The following PAX5 variants were observed in gnomAD, a reference collection of about 807,000 sequenced individuals.
PAX5 encodes the protein paired box 5, also known as paired box protein Pax-5.
PAX5 carries 9 observed loss-of-function variants against 43.7 expected under a neutral mutation model. The ratio of observed to expected loss-of-function variants is 0.21; its 90% CI spans 0.12 to 0.36. The LOEUF (loss-of-function observed/expected upper bound fraction) is 0.36. PAX5 is among the 10% of genes least tolerant of loss of function. The pLI, the probability that PAX5 is intolerant of heterozygous loss-of-function variation, is 1.00. For synonymous variants in PAX5, 228 were observed against 214.3 expected, an observed-to-expected ratio of 1.06 and a Z score of -0.56; for missense variants, 383 against 532.7, an observed-to-expected ratio of 0.72 and a Z score of 2.77.
intron 4 of PAX5, among the ~76,000 whole-genome samples, chr9:37,003,526 C>G (rs1426820100): frequency 6.6e-6 from 1 of 152,082 alleles, no homozygotes; most frequent in East Asian, 1.9e-4. Context: ...AGTGGCTCAC[C>G]CAGGATCATA....
chr9:36,847,116 G>A (rs1587737868), intron 8 of PAX5, among the ~76,000 whole-genome samples, 187 bp from the exon 9 acceptor site: 1 of 152,290 alleles, frequency 6.6e-6, no homozygotes, highest in East Asian at 1.9e-4. Flanking sequence ...CACTGGCATT[G>A]TCTGTATTTC....
chr9:36,990,084 C>T (rs950737171), intron 5 of PAX5, among the ~76,000 whole-genome samples: 2 of 152,036 alleles, frequency 1.3e-5, no homozygotes, highest in African/African-American at 4.8e-5. Context: ...GGGATGTCAG[C>T]CAGGTAAACA....
intron 4 of PAX5, among the ~76,000 whole-genome samples, chr9:37,004,163 T>G (rs1365399825): frequency 6.6e-6 from 1 of 152,238 alleles, no homozygotes; most frequent in Admixed American, 6.5e-5. Flanking sequence ...CAGTGGTTGG[T>G]GACTTATTGT....
chr9:36,910,571 G>A (rs1829184886), intron 7 of PAX5, among the ~76,000 whole-genome samples: 4 of 152,150 alleles, frequency 2.6e-5, no homozygotes, highest in African/African-American at 4.8e-5. Context: ...GGGGGCACAC[G>A]CCAGGCTAAG....
intron 6 of PAX5, among the ~76,000 whole-genome samples, chr9:36,935,381 C>T (rs1195783166): frequency 5.9e-5 from 5 of 85,016 alleles, no homozygotes. Context: ...ACTCCATCTC[C>T]GAAGCAAACA....
At chr9:36,922,227 G>A (rs554546368) in intron 7 of PAX5, among the ~76,000 whole-genome samples, 19 of 152,210 alleles carry the variant, frequency 1.2e-4, no homozygotes, top group Non-Finnish European at 2.2e-4. Context: ...GTTCTAATCC[G>A]AGTCTAACCC....
At chr9:36,909,323 G>C (rs1265082825) in intron 7 of PAX5, among the ~76,000 whole-genome samples, 2 of 152,258 alleles carry the variant, frequency 1.3e-5, no homozygotes, top group Non-Finnish European at 2.9e-5. Context: ...AGTCTGGAGA[G>C]AGCGGATGTC....
At chr9:36,844,188 C>T (rs1822346885) in intron 9 of PAX5, among the ~76,000 whole-genome samples, 1 of 152,232 alleles carries the variant, frequency 6.6e-6, no homozygotes, top group East Asian at 1.9e-4. Flanking sequence ...ATTCAGGACT[C>T]AGGACTCCCA....
At chr9:37,025,303 G>C (rs1271914815) in intron 1 of PAX5, among the ~76,000 whole-genome samples, 1 of 152,162 alleles carries the variant, frequency 6.6e-6, no homozygotes, top group African/African-American at 2.4e-5. Context: ...ACTCAGCACT[G>C]CGTGGCAGAC....
At position 36,923,342 on chromosome 9, in the gene PAX5, C is replaced by G; in HGVS notation, c.910+13G>C. 6.2e-7 allele frequency: 1 copy of G among 1,607,754 alleles called. No homozygotes were observed. The highest frequency in any genetic ancestry group is 8.5e-7 in the Non-Finnish European group (1 of 1,176,940). ...TCTCCCTCACTCATCCCCCATGCCC[C>G]AGGTGCCCTCACCTGTCACAATGGG... On this transcript the variant is annotated intron_variant, in intron 7 of 9. Transcript: ENST00000358127.
chr9:36,847,881 C>A (rs1299608290), intron 8 of PAX5, among the ~76,000 whole-genome samples: 1 of 152,218 alleles, frequency 6.6e-6, no homozygotes, highest in South Asian at 2.1e-4. Flanking sequence ...GGTCTTGTAG[C>A]TGGCAGGGCC....
At chr9:36,964,590 C>T (rs1588097962) in intron 6 of PAX5, among the ~76,000 whole-genome samples, 1 of 132,348 alleles carries the variant, frequency 7.6e-6, no homozygotes, top group Non-Finnish European at 1.6e-5. Context: ...AAAACTCCAG[C>T]TCACAAAAAA....
chr9:36,867,748 T>C (rs1029359593), intron 8 of PAX5, among the ~76,000 whole-genome samples: 1 of 152,088 alleles, frequency 6.6e-6, no homozygotes. Context: ...TCTCTTCCTT[T>C]CTTTCTTTCT....
At position 36,948,515 on chromosome 9, in the gene PAX5, T is replaced by C. The variant is rs553807633; in HGVS notation, c.780+18034A>G. Among the ~76,000 whole-genome samples, 31 of 152,332 alleles carry C rather than the reference T, an allele frequency of 2.0e-4. 1 individual carries two copies. In the South Asian group the frequency reaches 6.2e-3, roughly 31 times the overall value. ...AGATCCTTACAGTACAACCCAGAAT[T>C]AATAATTTAGTACAAAGATTTCTTA... is the stretch of plus-strand genomic sequence containing the variant. On this transcript the variant is annotated intron_variant, in intron 6 of 9. Transcript: ENST00000358127.
At chr9:36,849,615 G>A (rs1822949972) in intron 8 of PAX5, among the ~76,000 whole-genome samples, 2 of 152,200 alleles carry the variant, frequency 1.3e-5, no homozygotes, top group Admixed American at 6.5e-5. Context: ...TCCGTTATTA[G>A]CACCCACAGC....
At chr9:36,940,414 G>A (rs942337705) in intron 6 of PAX5, among the ~76,000 whole-genome samples, 3 of 152,198 alleles carry the variant, frequency 2.0e-5, no homozygotes, top group African/African-American at 7.2e-5. Flanking sequence ...CACGCCTCTT[G>A]TGGTAATAGG....
Position 36,836,729 on chromosome 9 carries a change from C to T in PAX5, c.*3831G>A, listed in dbSNP as rs969117194. Reference sequence around the variant, plus strand: ...CCCTGGTGGCCCTGGCTTGGGCACTCCTGCATACTGTCACAGCCAGGCCTG... The same window carrying T: ...CCCTGGTGGCCCTGGCTTGGGCACTTCTGCATACTGTCACAGCCAGGCCTG... On this transcript the variant is annotated 3_prime_UTR_variant, in exon 10 of 10. Coordinates refer to ENST00000358127, the MANE Select transcript of PAX5 (RefSeq NM_016734.3). 1.2e-4 allele frequency: 27 copies of T among 232,222 alleles called. No individual in the cohort carries two copies. Among genetic ancestry groups the T allele is most frequent in the Middle Eastern group, 1.3e-3 (1 of 782 alleles). 14.4% of individuals were successfully genotyped at this position (232,222 alleles called of 1,614,324 possible).
chr9:36,847,002 G>T, intron 8 of PAX5, 73 bp from the exon 9 acceptor site: 1 of 1,090,068 alleles, frequency 9.2e-7, no homozygotes, highest in Non-Finnish European at 1.4e-6. Context: ...CTGGGTCCCA[G>T]CCAGCCTGGT....
At chr9:36,862,297 G>T (rs1824294403) in intron 8 of PAX5, among the ~76,000 whole-genome samples, 1 of 152,176 alleles carries the variant, frequency 6.6e-6, no homozygotes, top group Non-Finnish European at 1.5e-5. Flanking sequence ...CACCAGGAAT[G>T]CAGGAGGACG....
Sources: gnomAD v4.1 joint callset for allele counts (sites outside exome capture counted in the v4.1 genomes callset) on GRCh38, gnomAD v4.1.1 for gene constraint, MANE v1.5 for transcripts, NCBI Gene and HGNC (gene_info 2026-07-23, HGNC 2026-07-21) for gene names.